The following CYLC1 variants were observed in gnomAD, a reference collection of about 807,000 sequenced individuals.
CYLC1 encodes cylicin-1.
Under a neutral mutation model 31.6 loss-of-function variants are expected in CYLC1, and 2 were observed. The observed-to-expected ratio is 0.06, with a 90% CI of 0.03 to 0.20. CYLC1 has a LOEUF of 0.20. CYLC1 is among the 10% of genes least tolerant of loss of function. CYLC1 has a pLI of 1.00. For missense variants in CYLC1, 595 were observed against 424.1 expected, an observed-to-expected ratio of 1.40 and a Z score of -3.54; for synonymous variants, 185 against 153.0, an observed-to-expected ratio of 1.21 and a Z score of -1.54.
chrX:83,872,771 G>T, intron 3 of CYLC1, 115 bp from the exon 4 acceptor site: 1 of 583,840 alleles, frequency 1.7e-6, no homozygotes, highest in Non-Finnish European at 2.5e-6. Flanking sequence ...AACCTTGAAA[G>T]AGAAAAAAAC....
At chrX:83,869,837 T>C in intron 1 of CYLC1, 28 bp from the exon 2 acceptor site, 1 of 739,789 alleles carries the variant, frequency 1.4e-6, no homozygotes, top group Non-Finnish European at 1.8e-6. Context: ...AATACAAATT[T>C]AATTAAAGCA....
chrX:83,867,340 C>T (rs1467038945), intron 1 of CYLC1, among the ~76,000 whole-genome samples: 1 of 111,392 alleles, frequency 9.0e-6, no homozygotes, highest in Non-Finnish European at 1.9e-5. Flanking sequence ...TTAATCTCTT[C>T]CCAATGCCAA....
intron 4 of CYLC1, among the ~76,000 whole-genome samples, chrX:83,875,372 C>T (rs759579429): frequency 9.0e-6 from 1 of 111,049 alleles, no homozygotes; most frequent in Non-Finnish European, 1.9e-5. Context: ...CAGAGGAGTT[C>T]TGGATTAGTT....
chrX:83,878,509 G>T (rs1252624829), intron 4 of CYLC1, among the ~76,000 whole-genome samples: 1 of 44,851 alleles, frequency 2.2e-5, no homozygotes, highest in Non-Finnish European at 3.8e-5. Context: ...TTTCATACAT[G>T]TCCACAGATT....
intron 4 of CYLC1, among the ~76,000 whole-genome samples, chrX:83,879,332 T>A (rs1317120170): frequency 1.8e-5 from 2 of 109,661 alleles, no homozygotes; most frequent in African/African-American, 3.4e-5. Flanking sequence ...CTTACACCAT[T>A]TCCTTGTACA....
At chrX:83,867,049 A>G (rs775631272) in intron 1 of CYLC1, among the ~76,000 whole-genome samples, 1 of 111,833 alleles carries the variant, frequency 8.9e-6, no homozygotes, top group Non-Finnish European at 1.9e-5. Flanking sequence ...AACACAGTTC[A>G]GCTGTTTCTG....
Position 83,875,146 on chromosome X carries a change from C to T in CYLC1, c.1923+515C>T, listed in dbSNP as rs147317781. Among the ~76,000 whole-genome samples, 718 of 110,576 alleles carry T rather than the reference C, an allele frequency of 6.5e-3. 11 individuals carry two copies. The highest frequency in any genetic ancestry group is 0.022 in the African/African-American group (674 of 30,587). The stretch of plus-strand genomic sequence containing the variant: ...ATATCTCAAGTGGATTTTTTATGAG[C>T]CCTCATTATAACTGATATCAGGAAA... On this transcript the variant is annotated intron_variant, in intron 4 of 4. Transcript: ENST00000329312.
At chrX:83,874,727 C>A in intron 4 of CYLC1, 96 bp downstream of exon 4, 1 of 921,864 alleles carries the variant, frequency 1.1e-6, no homozygotes, top group Non-Finnish European at 1.4e-6. Flanking sequence ...TAATAGTTAT[C>A]TTTTACTAGA....
At chrX:83,875,625 C>A (rs1156941621) in intron 4 of CYLC1, among the ~76,000 whole-genome samples, 1 of 111,371 alleles carries the variant, frequency 9.0e-6, no homozygotes, top group Non-Finnish European at 1.9e-5. Flanking sequence ...GTAGGAAAGA[C>A]CTGCCCCCAT....
intron 4 of CYLC1, among the ~76,000 whole-genome samples, chrX:83,879,459 G>C (rs1190383608): frequency 1.8e-5 from 2 of 111,568 alleles, no homozygotes; most frequent in African/African-American, 6.5e-5. Context: ...ACAATATCAT[G>C]GTCATCCATA....
intron 4 of CYLC1, among the ~76,000 whole-genome samples, chrX:83,883,598 C>G (rs1424474039): frequency 8.9e-6 from 1 of 111,734 alleles, no homozygotes; most frequent in Admixed American, 9.6e-5. Flanking sequence ...AAATATTATA[C>G]AAAACCAAGA....
intron 4 of CYLC1, among the ~76,000 whole-genome samples, chrX:83,879,303 C>T (rs1489301817): frequency 2.7e-5 from 3 of 110,429 alleles, no homozygotes; most frequent in Non-Finnish European, 3.8e-5. Context: ...TGTTAGCAGC[C>T]TGGGGTCCAT....
At position 83,873,397 on chromosome X, in the gene CYLC1, G is replaced by A; in HGVS notation, c.689G>A (p.Ser230Asn). The change falls in exon 4 of 5, where the codon AGT (serine) becomes AAT (asparagine). Residue 230 changes from serine (S) to asparagine (N), a missense_variant. By Grantham distance (46) the Ser-to-Asn change is conservative. Coordinates refer to ENST00000329312, the MANE Select transcript of CYLC1 (RefSeq NM_021118.3). ...PKKDLKRSKTSNDPISEICSE... is the reference protein window; with the variant it reads ...PKKDLKRSKTNNDPISEICSE... ...AAAGATTTGAAGAGGTCAAAGACTAGTAATGATCCCATATCAGAGATTTGC... is the reference window on the plus strand; with the variant it reads ...AAAGATTTGAAGAGGTCAAAGACTAATAATGATCCCATATCAGAGATTTGC... The A allele has an allele frequency of 1.7e-6, 2 of 1,204,756 alleles. No homozygotes were observed. Among genetic ancestry groups the A allele is most frequent in the Non-Finnish European group, 2.2e-6 (2 of 891,417 alleles).
intron 4 of CYLC1, among the ~76,000 whole-genome samples, chrX:83,883,066 TTAC>T (rs772080140): frequency 7.2e-5 from 8 of 111,326 alleles, no homozygotes; most frequent in Admixed American, 9.6e-5. Flanking sequence ...TAAGACTTTA[TTAC>T]TACTATTACT....
intron 1 of CYLC1, among the ~76,000 whole-genome samples, chrX:83,867,793 T>C (rs929595046): frequency 6.3e-5 from 7 of 111,571 alleles, no homozygotes; most frequent in African/African-American, 2.3e-4. Context: ...ATCAAGATTC[T>C]CAACTGAACC....
intron 2 of CYLC1, among the ~76,000 whole-genome samples, chrX:83,870,929 C>T (rs1299780767): frequency 1.8e-5 from 2 of 110,699 alleles, no homozygotes; most frequent in Non-Finnish European, 3.8e-5. Flanking sequence ...GCCCTAATTC[C>T]TGTGGTTCGG....
At chrX:83,863,374 T>C (rs2031543128) in intron 1 of CYLC1, among the ~76,000 whole-genome samples, 1 of 111,396 alleles carries the variant, frequency 9.0e-6, no homozygotes, top group South Asian at 3.8e-4. Flanking sequence ...TGTTCCTTGC[T>C]AATGACCTTT....
intron 4 of CYLC1, among the ~76,000 whole-genome samples, chrX:83,875,927 C>T (rs1344374733): frequency 1.8e-5 from 2 of 110,188 alleles, no homozygotes; most frequent in Non-Finnish European, 3.8e-5. Context: ...ACAGCTAGTT[C>T]TTGACCCTAA....
Position 83,881,852 on chromosome X carries a change from A to G in CYLC1, c.1924-4700A>G, listed in dbSNP as rs768281766. Among the ~76,000 whole-genome samples the G allele has an allele frequency of 5.6e-5, 6 of 107,327 alleles. No individual in the cohort carries two copies. In the East Asian group the frequency reaches 1.8e-3, roughly 32 times the overall value. 93.2% of individuals were successfully genotyped at this position (107,327 alleles called of 115,157 possible). ...GCTGGGACTATAGGTGCCCACCACCACGCCCAGCTAATTTTTTGTATTTTT... is the reference window on the plus strand; with the variant it reads ...GCTGGGACTATAGGTGCCCACCACCGCGCCCAGCTAATTTTTTGTATTTTT... On this transcript the variant is annotated intron_variant, in intron 4 of 4. Coordinates refer to ENST00000329312, the MANE Select transcript of CYLC1 (RefSeq NM_021118.3).
Sources: gnomAD v4.1 joint callset for allele counts (sites outside exome capture counted in the v4.1 genomes callset) on GRCh38, gnomAD v4.1.1 for gene constraint, MANE v1.5 for transcripts, NCBI Gene and HGNC (gene_info 2026-07-23, HGNC 2026-07-21) for gene names.